The following KCNJ6 variants were observed in gnomAD, a reference collection of about 807,000 sequenced individuals.
The protein encoded by KCNJ6 is potassium inwardly rectifying channel subfamily J member 6, also known as G protein-activated inward rectifier potassium channel 2.
In KCNJ6, 9 loss-of-function variants were observed where a neutral mutation model predicts 34.2. That is an observed-to-expected ratio of 0.26 (90% CI 0.16 to 0.46). KCNJ6 has a LOEUF of 0.46. Among genes scored for constraint, KCNJ6 ranks in the 20% least tolerant of loss-of-function variants. The probability of loss-of-function intolerance (pLI) is 1.00; values close to 1 mark genes in which losing one functional copy is unlikely to be tolerated. For missense variants in KCNJ6, 236 were observed against 531.3 expected (o/e 0.44, Z 5.46); for synonymous variants, 196 against 207.1 (o/e 0.95, Z 0.46).
chr21:37,769,634 C>T (rs879500538), intron 2 of KCNJ6, among the ~76,000 whole-genome samples: 4 of 151,366 alleles, frequency 2.6e-5, no homozygotes, highest in Admixed American at 1.3e-4. Flanking sequence ...CTGCAAGTTA[C>T]GGAATTGATT....
chr21:37,737,174 A>G (rs73904425), intron 2 of KCNJ6, among the ~76,000 whole-genome samples: 10,148 of 152,216 alleles, frequency 0.067, 651 homozygotes, highest in African/African-American at 0.17. Context: ...CCCGATGGCA[A>G]GAGAAGACCT....
At chr21:37,878,471 C>T (rs969932197) in intron 1 of KCNJ6, among the ~76,000 whole-genome samples, 1 of 152,226 alleles carries the variant, frequency 6.6e-6, no homozygotes, top group African/African-American at 2.4e-5. Flanking sequence ...GCTTTCTAGG[C>T]ATCCCTGTGG....
rs1283827536 is a variant in KCNJ6 at position 37,611,737 on chromosome 21, G to T, written c.*13422C>A. On this transcript the variant is annotated 3_prime_UTR_variant, in exon 4 of 4. Coordinates refer to ENST00000609713, the MANE Select transcript of KCNJ6 (RefSeq NM_002240.5). ...ATCAACAGGCAAAAGAAGAAAAATT[G>T]CATGATCATATCAACAGATGCAGAA... is the stretch of plus-strand genomic sequence containing the variant. The T allele has an allele frequency of 6.6e-6, 1 of 152,034 alleles. No homozygotes were observed. The highest frequency in any genetic ancestry group is 1.5e-5 in the Non-Finnish European group (1 of 67,982). The allele number at this position is 152,034 out of a possible 1,614,324, so 9.4% of individuals were successfully genotyped here.
chr21:37,727,487 G>A (rs963592380), intron 2 of KCNJ6, among the ~76,000 whole-genome samples: 1 of 152,124 alleles, frequency 6.6e-6, no homozygotes, highest in Non-Finnish European at 1.5e-5. Flanking sequence ...ATGGATGTGT[G>A]TGCATGTGTG....
intron 2 of KCNJ6, among the ~76,000 whole-genome samples, chr21:37,835,384 A>G (rs1397408961): frequency 6.6e-6 from 1 of 152,196 alleles, no homozygotes; most frequent in Non-Finnish European, 1.5e-5. Flanking sequence ...GCACAAGACC[A>G]GATATCTGAT....
At chr21:37,721,006 C>A (rs945397983) in intron 2 of KCNJ6, among the ~76,000 whole-genome samples, 1 of 152,058 alleles carries the variant, frequency 6.6e-6, no homozygotes, top group African/African-American at 2.4e-5. Context: ...CGCGCCCGGC[C>A]GAGAAAACAT....
intron 3 of KCNJ6, among the ~76,000 whole-genome samples, chr21:37,634,812 G>A (rs1029627350): frequency 2.0e-5 from 3 of 150,506 alleles, no homozygotes; most frequent in African/African-American, 7.4e-5. Flanking sequence ...AGGCTGGAGT[G>A]CAGTGGCATG....
Position 37,607,853 on chromosome 21 carries a change from G to A in KCNJ6, c.*17306C>T, listed in dbSNP as rs2054229560. ...GCTTGGAGAAAACTTTAGTTATTTT[G>A]TATGTTATATTTCTTAATATCCCTA... On this transcript the variant is annotated 3_prime_UTR_variant, in exon 4 of 4. Coordinates refer to ENST00000609713, the MANE Select transcript of KCNJ6 (RefSeq NM_002240.5). 6.6e-6 allele frequency: 1 copy of A among 152,070 alleles called. No homozygotes were observed. The highest frequency in any genetic ancestry group is 1.5e-5 in the Non-Finnish European group (1 of 67,998). 9.4% of individuals were successfully genotyped at this position (152,070 alleles called of 1,614,324 possible).
At chr21:37,758,609 T>G in intron 2 of KCNJ6, among the ~76,000 whole-genome samples, 1 of 152,132 alleles carries the variant, frequency 6.6e-6, no homozygotes. Flanking sequence ...ATAAGCCAAG[T>G]AAGGGATTGT....
intron 2 of KCNJ6, among the ~76,000 whole-genome samples, chr21:37,757,655 T>C (rs1486932627): frequency 2.7e-5 from 4 of 149,020 alleles, no homozygotes; most frequent in Admixed American, 2.7e-4. Flanking sequence ...GAGCTCTCCC[T>C]CACAGATTCC....
intron 3 of KCNJ6, among the ~76,000 whole-genome samples, chr21:37,654,447 T>G (rs2054448469): frequency 6.6e-6 from 1 of 151,744 alleles, no homozygotes; most frequent in Admixed American, 6.6e-5. Context: ...CATTTCCTAA[T>G]AACTCTTCCC....
intron 2 of KCNJ6, among the ~76,000 whole-genome samples, chr21:37,820,271 C>T (rs999142674): frequency 2.6e-5 from 4 of 152,092 alleles, no homozygotes; most frequent in Non-Finnish European, 2.9e-5. Flanking sequence ...GTCTCTTTTC[C>T]GGATGGCTAC....
chr21:37,873,814 C>G (rs2055664501), intron 1 of KCNJ6, among the ~76,000 whole-genome samples: 1 of 152,112 alleles, frequency 6.6e-6, no homozygotes, highest in Non-Finnish European at 1.5e-5. Context: ...ACTACCAGAT[C>G]ACATCTATCC....
intron 3 of KCNJ6, among the ~76,000 whole-genome samples, chr21:37,643,761 C>T (rs2054391711): frequency 6.6e-6 from 1 of 152,122 alleles, no homozygotes; most frequent in African/African-American, 2.4e-5. Flanking sequence ...GGGCAATTAT[C>T]CAGGAAGGTG....
rs1344409584 is a variant in KCNJ6 at position 37,617,001 on chromosome 21, CTT to C, written c.*8156_*8157del. ...ATTTCTTTTCTCTTTCTTTCTTTCT[CTT>C]TCTTTTCTCTTTCTTTCTTTCTTTC... is the stretch of plus-strand genomic sequence containing the variant. On this transcript the variant is annotated 3_prime_UTR_variant, in exon 4 of 4. Transcript: ENST00000609713. 1 of 102,866 alleles carries C rather than the reference CTT, an allele frequency of 9.7e-6. No homozygotes were observed. The highest frequency in any genetic ancestry group is 2.1e-5 in the Non-Finnish European group (1 of 48,078). 6.4% of individuals were successfully genotyped at this position (102,866 alleles called of 1,614,324 possible). A position where few individuals can be genotyped will look rare whatever the true frequency, so the allele number is the denominator to read the frequency against.
chr21:37,905,060 C>G (rs971503133), intron 1 of KCNJ6, among the ~76,000 whole-genome samples: 1 of 152,236 alleles, frequency 6.6e-6, no homozygotes, highest in Non-Finnish European at 1.5e-5. Context: ...TGCGCTCCCT[C>G]TGGCCCATGC....
rs548586292 is a variant in KCNJ6, at chr21:37,802,257, C to A, written c.25+38401G>T. Among the ~76,000 whole-genome samples the A allele has an allele frequency of 2.0e-5, 3 of 152,274 alleles. No individual in the cohort carries two copies. The East Asian group carries it at 5.8e-4, about 29-fold the overall frequency. On this transcript the variant is annotated intron_variant, in intron 2 of 3. Transcript: ENST00000609713. The stretch of plus-strand genomic sequence containing the variant: ...CACCCCAAGCTTCCCAGTGTCCAGG[C>A]CTGGGAGACTGTGGCAGGCTAAGCA...
In KCNJ6 at chr21:37,616,895, A is replaced by G. The variant is rs1569429952; in HGVS notation, c.*8264T>C. 6.6e-6 allele frequency: 1 copy of G among 151,920 alleles called. No individual in the cohort carries two copies. Among genetic ancestry groups the G allele is most frequent in the Non-Finnish European group, 1.5e-5 (1 of 68,008 alleles). The allele number at this position is 151,920 out of a possible 1,614,324, so 9.4% of individuals were successfully genotyped here. A position where few individuals can be genotyped will look rare whatever the true frequency, so the allele number is the denominator to read the frequency against. On this transcript the variant is annotated 3_prime_UTR_variant, in exon 4 of 4. Transcript: ENST00000609713. ...ATAAGTTGTGTCTGTAAGTGCTGCA[A>G]TGCAGAGTTCCTTGCAGATAATAAC...
chr21:37,778,057 A>T (rs906787664), intron 2 of KCNJ6, among the ~76,000 whole-genome samples: 4 of 152,166 alleles, frequency 2.6e-5, no homozygotes, highest in African/African-American at 9.6e-5. Flanking sequence ...TTTGACAAGG[A>T]GAGAGAAAAA....
Sources: allele counts gnomAD v4.1 joint callset (sites outside exome capture counted in the v4.1 genomes callset), GRCh38; gene constraint gnomAD v4.1.1; transcripts MANE v1.5; gene names NCBI Gene and HGNC (gene_info 2026-07-23, HGNC 2026-07-21).